Variants in OAS3 observed in about 807,000 individuals in gnomAD.
OAS3 encodes 2'-5'-oligoadenylate synthetase 3.
Under a neutral mutation model 113.0 loss-of-function variants are expected in OAS3, and 107 were observed. The observed-to-expected ratio is 0.95, with a 90% CI of 0.81 to 1.11. The LOEUF is 1.11. Among genes scored for constraint, OAS3 ranks in the 50% most tolerant of loss-of-function variants. The pLI is 0.00. For synonymous variants in OAS3, 552 were observed against 573.6 expected (o/e 0.96, Z 0.54); for missense variants, 1,258 against 1,389.1 (o/e 0.91, Z 1.50).
In OAS3 at chr12:112,946,888, A is replaced by G; in HGVS notation, c.782A>G (p.Gln261Arg). Residue 261 changes from glutamine to arginine, a missense_variant, in exon 4 of 16, where the codon CAG (glutamine) becomes CGG (arginine). Coordinates refer to ENST00000228928, the MANE Select transcript of OAS3 (RefSeq NM_006187.4). ...GLRTVLGLIQ[Q>R]HQHLCVFWTV... ...CGAACTGTCCTGGGCCTGATCCAAC[A>G]GCATCAGCACCTGTGTGTTTTCTGG... 1 of 1,614,048 alleles carries G rather than the reference A, an allele frequency of 6.2e-7. No individual in the cohort carries two copies. The highest frequency in any genetic ancestry group is 8.5e-7 in the Non-Finnish European group (1 of 1,179,890).
chr12:112,941,966 A>AC, intron 2 of OAS3, 114 bp downstream of exon 2: 1 of 1,313,060 alleles, frequency 7.6e-7, no homozygotes. Flanking sequence ...GCCAGCCTCT[A>AC]CCCCTCTCTC....
At chr12:112,941,999 A>G (rs973048109) in intron 2 of OAS3, 147 bp downstream of exon 2, 2 of 948,308 alleles carry the variant, frequency 2.1e-6, no homozygotes, top group Middle Eastern at 5.9e-4. Flanking sequence ...GGGACTAAAC[A>G]TATTGGACTT....
chr12:112,962,311 A>C (rs1157239447), intron 8 of OAS3, among the ~76,000 whole-genome samples: 1 of 152,218 alleles, frequency 6.6e-6, no homozygotes, highest in Admixed American at 6.5e-5. Flanking sequence ...TTATGTGATT[A>C]ATGTTAAAAT....
rs1319663117 is a variant in OAS3 at position 112,971,028 on chromosome 12, T to C, written c.*1055T>C. Reference sequence around the variant, plus strand: ...TCTAGAGCAAGGCCCACCAGGTCCATCCAGGAGGCTCTCCTGACCTCAAGT... The same window carrying C: ...TCTAGAGCAAGGCCCACCAGGTCCACCCAGGAGGCTCTCCTGACCTCAAGT... On this transcript the variant is annotated 3_prime_UTR_variant, in exon 16 of 16. Coordinates refer to ENST00000228928, the MANE Select transcript of OAS3 (RefSeq NM_006187.4). 1 of 152,324 alleles carries C rather than the reference T, an allele frequency of 6.6e-6. No individual in the cohort carries two copies. The highest frequency in any genetic ancestry group is 2.4e-5 in the African/African-American group (1 of 41,464). 9.4% of individuals were successfully genotyped at this position (152,324 alleles called of 1,614,324 possible). A position where few individuals can be genotyped will look rare whatever the true frequency, so the allele number is the denominator to read the frequency against.
At chr12:112,961,284 G>A in intron 8 of OAS3, 38 bp downstream of exon 8, 1 of 1,595,088 alleles carries the variant, frequency 6.3e-7, no homozygotes, top group Non-Finnish European at 8.6e-7. Context: ...AGCCACCACT[G>A]TCATGGCAAC....
At position 112,963,179 on chromosome 12, in the gene OAS3, C is replaced by A; in HGVS notation, c.2085-134C>A. ...AGGCAGCCAATTGAGATCGCTTCTG[C>A]ACTTGGGCAAGACTGAGCCAACCCT... On this transcript the variant is annotated intron_variant, in intron 9 of 15. Transcript: ENST00000228928. The surrounding 1 kb of genome is among the most constrained non-coding windows in gnomAD (Gnocchi z 4.6). 2 of 1,157,744 alleles carry A rather than the reference C, an allele frequency of 1.7e-6. No homozygotes were observed. The highest frequency in any genetic ancestry group is 2.4e-6 in the Non-Finnish European group (2 of 842,884). The allele number at this position is 1,157,744 out of a possible 1,614,324, so 71.7% of individuals were successfully genotyped here. A position where few individuals can be genotyped will look rare whatever the true frequency, so the allele number is the denominator to read the frequency against.
intron 11 of OAS3, among the ~76,000 whole-genome samples, 199 bp from the exon 12 acceptor site, chr12:112,965,545 T>C (rs185718812): frequency 6.6e-6 from 1 of 152,352 alleles, no homozygotes; most frequent in East Asian, 1.9e-4. Context: ...TTGCATTTGT[T>C]GAAGGGTTTA....
chr12:112,965,231 C>G (rs2043923360), intron 11 of OAS3, among the ~76,000 whole-genome samples: 1 of 152,208 alleles, frequency 6.6e-6, no homozygotes, highest in Non-Finnish European at 1.5e-5. Flanking sequence ...TGTACCTTCC[C>G]CTCTCTGATC....
chr12:112,947,092 C>A (rs1377393000), intron 4 of OAS3, 111 bp downstream of exon 4: 3 of 754,134 alleles, frequency 4.0e-6, no homozygotes, highest in East Asian at 2.7e-5. Context: ...GAGGCCAAAG[C>A]AAAATGCTAC....
intron 7 of OAS3, among the ~76,000 whole-genome samples, chr12:112,953,947 C>T (rs769843177): frequency 1.6e-4 from 24 of 152,118 alleles, no homozygotes; most frequent in Non-Finnish European, 1.6e-4. Flanking sequence ...GTTGCTTGTT[C>T]ACTCTGATGG....
intron 4 of OAS3, among the ~76,000 whole-genome samples, chr12:112,947,292 G>T (rs2043742590): frequency 6.6e-6 from 1 of 152,102 alleles, no homozygotes; most frequent in African/African-American, 2.4e-5. Context: ...CCCAGATCAT[G>T]GTAGAATATT....
At chr12:112,951,331 A>G (rs976479394) in intron 7 of OAS3, among the ~76,000 whole-genome samples, 3 of 152,020 alleles carry the variant, frequency 2.0e-5, no homozygotes, top group Non-Finnish European at 4.4e-5. Flanking sequence ...GGTTTACTTT[A>G]TGGTTCATTT....
chr12:112,958,532 G>A (rs1446652282), intron 7 of OAS3, among the ~76,000 whole-genome samples: 1 of 152,200 alleles, frequency 6.6e-6, no homozygotes, highest in East Asian at 1.9e-4. Flanking sequence ...TGGTGTGGAT[G>A]TCCTTTCTGT....
chr12:112,962,679 C>A lies in OAS3; in HGVS notation c.1861C>A (p.Pro621Thr), dbSNP rs748049702. 21 of 1,613,912 alleles carry A rather than the reference C, an allele frequency of 1.3e-5. No homozygotes were observed. In the East Asian group the frequency reaches 4.5e-4, roughly 34 times the overall value. ...TGCGGCTCAGAACAAAGGAAAAGGA[C>A]CAGCCCCTGCCTCTCTGCCCCCAGC... ...QVAAQNKGKG[P>T]APASLPPAYA... The change falls in exon 9 of 16, where the codon CCA becomes ACA. Residue 621 changes from proline to threonine, a missense_variant. Coordinates refer to ENST00000228928, the MANE Select transcript of OAS3 (RefSeq NM_006187.4).
At chr12:112,960,168 T>G (rs1354821218) in intron 7 of OAS3, among the ~76,000 whole-genome samples, 1 of 152,114 alleles carries the variant, frequency 6.6e-6, no homozygotes, top group Non-Finnish European at 1.5e-5. Flanking sequence ...GGGACCAAGT[T>G]TTCACTTCAT....
At position 112,942,806 on chromosome 12, in the gene OAS3, ATTG is replaced by A. The variant is rs768358373; in HGVS notation, c.460+957_460+959del. Reference sequence around the variant, plus strand: ...TATTATTGTTGTTGTTTCTATTATTATTGTTATTATTATTATTATTATTATTTA... The same window carrying A: ...TATTATTGTTGTTGTTTCTATTATTATTATTATTATTATTATTATTATTTA... On this transcript the variant is annotated intron_variant, in intron 2 of 15. Coordinates refer to ENST00000228928, the MANE Select transcript of OAS3 (RefSeq NM_006187.4). 5.8e-3 allele frequency among the ~76,000 whole-genome samples: 853 copies of A among 147,264 alleles called. 9 individuals carry two copies. The highest frequency in any genetic ancestry group is 6.2e-3 in the Non-Finnish European group (419 of 67,638).
intron 13 of OAS3, 114 bp from the exon 14 acceptor site, chr12:112,967,822 C>A: frequency 8.0e-7 from 1 of 1,255,620 alleles, no homozygotes. Context: ...AGGCATCTGG[C>A]ACATGTAGGT....
At position 112,949,015 on chromosome 12, in the gene OAS3, C is replaced by G. The variant is rs2136348573; in HGVS notation, c.1184C>G (p.Ala395Gly). 1 of 1,614,026 alleles carries G rather than the reference C, an allele frequency of 6.2e-7. No individual in the cohort carries two copies. Among genetic ancestry groups the G allele is most frequent in the Middle Eastern group, 1.6e-4 (1 of 6,062 alleles). ...CCAGCTCCTGGCCCCACTGGGGCAG[C>G]CAGCATCGTCCCCTCTGTGCCGGGA... ...SCPAPGPTGA[A>G]SIVPSVPGMA... Residue 395 changes from alanine (A) to glycine (G), a missense_variant, in exon 6 of 16, where the codon GCC becomes GGC. Physicochemically the swap from Ala to Gly is moderately conservative, Grantham distance 60 (BLOSUM62 0). Transcript: ENST00000228928.
At position 112,938,588 on chromosome 12, in the gene OAS3, C is replaced by G. The variant is rs2043650062; in HGVS notation, c.58C>G (p.Gln20Glu). 3.7e-6 allele frequency: 6 copies of G among 1,610,280 alleles called. No homozygotes were observed. Among genetic ancestry groups the G allele is most frequent in the Non-Finnish European group, 5.1e-6 (6 of 1,178,878 alleles). ...ALDRFVARRL[Q>E]PRKEFVEKAR... ...GGACAGGTTCGTGGCCAGAAGGCTG[C>G]AGCCGCGGAAGGAGTTCGTAGAGAA... is the stretch of plus-strand genomic sequence containing the variant. Residue 20 changes from glutamine to glutamate, a missense_variant, in exon 1 of 16, where the codon CAG becomes GAG. Transcript: ENST00000228928.
Sources: gnomAD v4.1 joint callset for allele counts (sites outside exome capture counted in the v4.1 genomes callset) on GRCh38, gnomAD v4.1.1 for gene constraint, Gnocchi (gnomAD v3.1) non-coding constraint, MANE v1.5 for transcripts, NCBI Gene and HGNC (gene_info 2026-07-23, HGNC 2026-07-21) for gene names.